PDE6A: variants seen among roughly 807,000 people sequenced by gnomAD.
The protein encoded by PDE6A is rod cGMP-specific 3',5'-cyclic phosphodiesterase subunit alpha.
Under a neutral mutation model 106.3 loss-of-function variants are expected in PDE6A, and 84 were observed. The observed-to-expected ratio is 0.79, with a 90% confidence interval of 0.66 to 0.95. The LOEUF is 0.95. Ranked by LOEUF, PDE6A falls within the 40% of genes least tolerant of loss-of-function variation. PDE6A has a pLI of 0.00. For missense variants in PDE6A, 1,052 were observed against 1,084.9 expected, an observed-to-expected ratio of 0.97 and a Z score of 0.43; for synonymous variants, 394 against 386.6, an observed-to-expected ratio of 1.02 and a Z score of -0.23.
At chr5:149,941,871 C>A (rs1007182261) in intron 1 of PDE6A, among the ~76,000 whole-genome samples, 2 of 152,032 alleles carry the variant, frequency 1.3e-5, no homozygotes, top group African/African-American at 4.8e-5. Flanking sequence ...TCTTTTTTTT[C>A]TTTATTTTTT....
intron 1 of PDE6A, among the ~76,000 whole-genome samples, chr5:149,939,584 A>C (rs1308331570): frequency 1.3e-5 from 2 of 152,320 alleles, no homozygotes; most frequent in Middle Eastern, 3.4e-3. Context: ...TGCCAATAGG[A>C]GCCATTACGG....
rs1356776289 is a variant in PDE6A at position 149,944,367 on chromosome 5, T to G, written c.307A>C (p.Asn103His). Residue 103 changes from asparagine to histidine, a missense_variant, in exon 1 of 22, where the codon AAT (asparagine) becomes CAT (histidine). By Grantham distance (68) the Asn-to-His change is moderately conservative (BLOSUM62 1). Coordinates refer to ENST00000255266, the MANE Select transcript of PDE6A (RefSeq NM_000440.3). ...RMSLFMYRTR[N>H]GIAELATRLF... ...CTGGTGGCCAGCTCTGCGATGCCAT[T>G]GCGGGTCCGGTACATGAACAGGCTC... 6.2e-7 allele frequency: 1 copy of G among 1,614,004 alleles called. No homozygotes were observed. Among genetic ancestry groups the G allele is most frequent in the East Asian group, 2.2e-5 (1 of 44,888 alleles).
chr5:149,927,982 C>G (rs2113651432), intron 4 of PDE6A, among the ~76,000 whole-genome samples: 1 of 151,762 alleles, frequency 6.6e-6, no homozygotes, highest in Non-Finnish European at 1.5e-5. Context: ...CAAAAACACG[C>G]ATGGAGCTCC....
At position 149,859,745 on chromosome 5, in the gene PDE6A, G is replaced by A. The variant is rs1760063438; in HGVS notation, c.*1150C>T. 6.6e-6 allele frequency: 1 copy of A among 152,338 alleles called. No homozygotes were observed. Among genetic ancestry groups the A allele is most frequent in the Admixed American group, 6.5e-5 (1 of 15,288 alleles). 9.4% of individuals were successfully genotyped at this position (152,338 alleles called of 1,614,324 possible). On this transcript the variant is annotated 3_prime_UTR_variant, in exon 22 of 22. Transcript: ENST00000255266. Reference sequence around the variant, plus strand: ...CTGGTGGGGTCCCAAGTCCTTTGCTGAAGCTTGGGGTCTGTGCAGCCCATC... The same window carrying A: ...CTGGTGGGGTCCCAAGTCCTTTGCTAAAGCTTGGGGTCTGTGCAGCCCATC...
chr5:149,864,489 G>A (rs1298124040), intron 20 of PDE6A, among the ~76,000 whole-genome samples: 1 of 152,094 alleles, frequency 6.6e-6, no homozygotes, highest in Non-Finnish European at 1.5e-5. Context: ...TGATCCACCT[G>A]CCTTGGCCTC....
intron 2 of PDE6A, 146 bp downstream of exon 2, chr5:149,934,420 T>C: frequency 1.2e-6 from 1 of 818,534 alleles, no homozygotes; most frequent in Non-Finnish European, 2.1e-6. Context: ...TATTATTTTA[T>C]CCTGCCTCCC....
At position 149,886,363 on chromosome 5, in the gene PDE6A, C is replaced by T. The variant is rs562967163; in HGVS notation, c.1740G>A (p.Leu580=). 71 of 1,613,908 alleles carry T rather than the reference C, an allele frequency of 4.4e-5. 1 individual carries two copies. The South Asian group carries it at 7.8e-4, about 18-fold the overall frequency. The change falls in exon 14 of 22, where the codon CTG becomes CTA. Residue 580 remains leucine (L), a synonymous_variant. Transcript: ENST00000255266. The stretch of plus-strand genomic sequence containing the variant: ...CCTCTAGGTCCGTGAAGTAGCGCTT[C>T]AGCTTTCCCGTCTGGAAGGGCAATC... ...TMFSLLVTGK[L]KRYFTDLEAL...
chr5:149,936,502 G>T (rs1200924307), intron 1 of PDE6A, among the ~76,000 whole-genome samples: 1 of 152,104 alleles, frequency 6.6e-6, no homozygotes. Context: ...GTTTCCCAAT[G>T]TTCACTTCTT....
At chr5:149,877,192 C>G (rs182702671) in intron 17 of PDE6A, among the ~76,000 whole-genome samples, 208 of 152,238 alleles carry the variant, frequency 1.4e-3, no homozygotes, top group Non-Finnish European at 2.4e-3. Flanking sequence ...TGCTGCCCCC[C>G]TATAAAACCC....
intron 17 of PDE6A, among the ~76,000 whole-genome samples, chr5:149,876,023 G>A (rs1478956077): frequency 6.6e-6 from 1 of 152,054 alleles, no homozygotes; most frequent in African/African-American, 2.4e-5. Context: ...ATATATGCTT[G>A]AAAGTCTTTC....
At chr5:149,896,555 C>A (rs1299353604) in intron 11 of PDE6A, 53 bp from the exon 12 acceptor site, 1 of 1,613,862 alleles carries the variant, frequency 6.2e-7, no homozygotes, top group African/African-American at 1.3e-5. Flanking sequence ...TTTCTGGGTG[C>A]CCACCTCCTG....
At chr5:149,900,656 T>C (rs1752943393) in intron 8 of PDE6A, among the ~76,000 whole-genome samples, 1 of 151,882 alleles carries the variant, frequency 6.6e-6, no homozygotes. Flanking sequence ...GGTGAGATGA[T>C]AATTGTTATT....
intron 5 of PDE6A, among the ~76,000 whole-genome samples, chr5:149,919,351 A>G (rs942830022): frequency 6.6e-6 from 1 of 152,188 alleles, no homozygotes; most frequent in African/African-American, 2.4e-5. Context: ...TACTAAAAAT[A>G]TAAAAATTAG....
At chr5:149,923,207 A>T (rs1753770312) in intron 4 of PDE6A, among the ~76,000 whole-genome samples, 1 of 152,126 alleles carries the variant, frequency 6.6e-6, no homozygotes, top group African/African-American at 2.4e-5. Context: ...TTTGTCTAAA[A>T]GTGGCCAAGG....
At chr5:149,865,631 G>A (rs922591316) in intron 20 of PDE6A, among the ~76,000 whole-genome samples, 2 of 152,150 alleles carry the variant, frequency 1.3e-5, no homozygotes, top group Non-Finnish European at 2.9e-5. Context: ...GCTAAATCCT[G>A]CCTTATGGCT....
At chr5:149,880,100 A>C (rs1760871994) in intron 17 of PDE6A, among the ~76,000 whole-genome samples, 1 of 152,048 alleles carries the variant, frequency 6.6e-6, no homozygotes, top group Non-Finnish European at 1.5e-5. Flanking sequence ...TCCATGTCAG[A>C]ATTTTCTGGC....
intron 1 of PDE6A, among the ~76,000 whole-genome samples, chr5:149,937,177 A>G (rs6874654): frequency 0.043 from 6,472 of 152,226 alleles, 432 homozygotes; most frequent in African/African-American, 0.14. Context: ...TATATGAAGC[A>G]CATTCTAAGC....
At chr5:149,875,175 G>A (rs1760692866) in intron 17 of PDE6A, among the ~76,000 whole-genome samples, 1 of 152,084 alleles carries the variant, frequency 6.6e-6, no homozygotes, top group Non-Finnish European at 1.5e-5. Context: ...TGCCCCAGGG[G>A]ATATTTGGCA....
rs1753306505 is a variant in PDE6A, at chr5:149,909,489, A to G, written c.999-2111T>C. On this transcript the variant is annotated intron_variant, in intron 6 of 21. Transcript: ENST00000255266. ...TCCCTTTGGGGCCAGAAGTGGTAGT[A>G]GCTCCCCCACTAATAGCACATTCTC... Among the ~76,000 whole-genome samples the G allele has an allele frequency of 2.0e-5, 3 of 152,166 alleles. No individual in the cohort carries two copies. In the South Asian group the frequency reaches 6.2e-4, roughly 31 times the overall value.
Sources: gnomAD v4.1 joint callset for allele counts (sites outside exome capture counted in the v4.1 genomes callset) on GRCh38, gnomAD v4.1.1 for gene constraint, MANE v1.5 for transcripts, NCBI Gene and HGNC (gene_info 2026-07-23, HGNC 2026-07-21) for gene names.